The following STKLD1 variants were observed in gnomAD, a reference collection of about 807,000 sequenced individuals.
The protein encoded by STKLD1 is serine/threonine kinase-like domain-containing protein STKLD1.
A neutral mutation model predicts 80.4 loss-of-function variants in STKLD1; 79 were observed. The observed-to-expected ratio is 0.98, with a 90% CI of 0.82 to 1.19. The LOEUF is 1.19. Ranked by LOEUF, STKLD1 falls within the 50% of genes most tolerant of loss-of-function variation. The pLI is 0.00. For missense variants in STKLD1, 841 were observed against 856.0 expected (o/e 0.98, Z 0.22); for synonymous variants, 393 against 357.6 (o/e 1.10, Z -1.12).
intron 1 of STKLD1, among the ~76,000 whole-genome samples, chr9:133,376,805 G>A (rs2130251619): frequency 2.6e-5 from 4 of 152,192 alleles, no homozygotes; most frequent in Non-Finnish European, 4.4e-5. Context: ...ATTTGAGGGC[G>A]TGGGGCAGCT....
At position 133,385,370 on chromosome 9, in the gene STKLD1, C is replaced by G. The variant is rs1014827336; in HGVS notation, c.220-247C>G. ...TGGTATCCCTGTGAGGCAGATTCCA[C>G]TAGGACCCCCATTTTCAGATGACTA... is the stretch of plus-strand genomic sequence containing the variant. On this transcript the variant is annotated intron_variant, in intron 3 of 17. Transcript: ENST00000371957. This position sits in a 1 kb window ranked among gnomAD's most constrained non-coding sequence, Gnocchi z 4.9. Among the ~76,000 whole-genome samples the G allele has an allele frequency of 6.6e-6, 1 of 152,152 alleles. No individual in the cohort carries two copies. Among genetic ancestry groups the G allele is most frequent in the African/African-American group, 2.4e-5 (1 of 41,420 alleles).
intron 17 of STKLD1, 72 bp downstream of exon 17, chr9:133,405,001 A>C: frequency 6.4e-7 from 1 of 1,568,588 alleles, no homozygotes; most frequent in Non-Finnish European, 8.6e-7. Flanking sequence ...CCTATAACTG[A>C]CAGGGAAGGA....
chr9:133,399,386 T>C (rs1184415186), intron 11 of STKLD1, among the ~76,000 whole-genome samples: 1 of 152,064 alleles, frequency 6.6e-6, no homozygotes, highest in African/African-American at 2.4e-5. Flanking sequence ...AGAGGCCTCA[T>C]ATGGGCCTAA....
Position 133,390,603 on chromosome 9 carries a change from G to A in STKLD1, c.468-78G>A. 9.6e-7 allele frequency: 1 copy of A among 1,038,320 alleles called. No homozygotes were observed. Among genetic ancestry groups the A allele is most frequent in the Non-Finnish European group, 1.5e-6 (1 of 663,418 alleles). The allele number at this position is 1,038,320 out of a possible 1,614,324, so 64.3% of individuals were successfully genotyped here. On this transcript the variant is annotated intron_variant, in intron 6 of 17. Coordinates refer to ENST00000371957, the MANE Select transcript of STKLD1 (RefSeq NM_153710.5). This position sits in a 1 kb window ranked among gnomAD's most constrained non-coding sequence, Gnocchi z 5.1. ...AGAGTCAGGCTCAGCACACACACTG[G>A]TCCCACCTGGGGTTGTGGGTGGTGG...
intron 11 of STKLD1, 130 bp downstream of exon 11, chr9:133,398,185 C>T (rs1056193634): frequency 5.4e-6 from 4 of 738,588 alleles, no homozygotes; most frequent in Non-Finnish European, 8.8e-6. Flanking sequence ...AGCGTGGAGG[C>T]GTGCATGTGT....
At chr9:133,392,074 C>CTTT (rs869053878) in intron 7 of STKLD1, among the ~76,000 whole-genome samples, 2 of 132,772 alleles carry the variant, frequency 1.5e-5, no homozygotes, top group Non-Finnish European at 3.2e-5. Context: ...GCACTCTGTC[C>CTTT]TTTTTTTTTT....
Position 133,389,380 on chromosome 9 carries a change from C to CAGG in STKLD1, c.397-145_397-144insGGA, listed in dbSNP as rs1838332618. On this transcript the variant is annotated intron_variant, in intron 5 of 17. Coordinates refer to ENST00000371957, the MANE Select transcript of STKLD1 (RefSeq NM_153710.5). This position sits in a 1 kb window ranked among gnomAD's most constrained non-coding sequence, Gnocchi z 6.4. Reference sequence around the variant, plus strand: ...AGAGCCACCACGCTGAAGCCTCCTCCACCCTGAGCGCTTGGCTGGCTTCAG... The same window carrying CAGG: ...AGAGCCACCACGCTGAAGCCTCCTCCAGGACCCTGAGCGCTTGGCTGGCTTCAG... 2.1e-6 allele frequency: 3 copies of CAGG among 1,449,834 alleles called. No homozygotes were observed. The African/African-American group carries it at 4.3e-5, about 21-fold the overall frequency. 89.8% of individuals were successfully genotyped at this position (1,449,834 alleles called of 1,614,324 possible).
At position 133,391,107 on chromosome 9, in the gene STKLD1, G is replaced by C. The variant is rs1461276426; in HGVS notation, c.583+311G>C. 2.0e-5 allele frequency among the ~76,000 whole-genome samples: 3 copies of C among 152,250 alleles called. No homozygotes were observed. In the East Asian group the frequency reaches 5.8e-4, roughly 29 times the overall value. On this transcript the variant is annotated intron_variant, in intron 7 of 17. Transcript: ENST00000371957. Reference sequence around the variant, plus strand: ...GGGAAAAGAAAGTGTCAGAAGGAAGGATATGAAAATGCCCAGGACGGAGGG... The same window carrying C: ...GGGAAAAGAAAGTGTCAGAAGGAAGCATATGAAAATGCCCAGGACGGAGGG...
chr9:133,378,815 A>T (rs949542374), intron 1 of STKLD1, among the ~76,000 whole-genome samples: 7 of 147,148 alleles, frequency 4.8e-5, no homozygotes, highest in Admixed American at 3.3e-4. Flanking sequence ...GTTGTAGAAG[A>T]GCTCCAGAAT....
At position 133,404,026 on chromosome 9, in the gene STKLD1, G is replaced by A. The variant is rs1404888285; in HGVS notation, c.1710G>A (p.Leu570=). The A allele has an allele frequency of 1.2e-6, 2 of 1,608,444 alleles. No individual in the cohort carries two copies. The highest frequency in any genetic ancestry group is 1.3e-5 in the African/African-American group (1 of 74,848). Residue 570 remains leucine, a synonymous_variant, in exon 16 of 18, where the codon CTG becomes CTA. Transcript: ENST00000371957. ...TGGTGAACAATGCCTACCGGGGACTGGCCAGCCTGGTGAAGGTGTCAGGTG... is the reference window on the plus strand; with the variant it reads ...TGGTGAACAATGCCTACCGGGGACTAGCCAGCCTGGTGAAGGTGTCAGGTG... ...ALLVNNAYRG[L]ASLVKVSELA...
rs1157918363 is a variant in STKLD1 at position 133,389,503 on chromosome 9, G to A, written c.397-23G>A. 1.2e-6 allele frequency: 2 copies of A among 1,611,870 alleles called. No homozygotes were observed. The highest frequency in any genetic ancestry group is 1.7e-6 in the Non-Finnish European group (2 of 1,179,446). Reference sequence around the variant, plus strand: ...CAGCACAGGGTGCCCCTCCCATCCTGGCACCCCCTACTTCTCCCCCAGTGG... The same window carrying A: ...CAGCACAGGGTGCCCCTCCCATCCTAGCACCCCCTACTTCTCCCCCAGTGG... On this transcript the variant is annotated intron_variant, in intron 5 of 17. Coordinates refer to ENST00000371957, the MANE Select transcript of STKLD1 (RefSeq NM_153710.5). The surrounding 1 kb of genome is among the most constrained non-coding windows in gnomAD (Gnocchi z 6.4).
intron 1 of STKLD1, among the ~76,000 whole-genome samples, chr9:133,377,669 GA>G (rs2130255191): frequency 0.066 from 9,607 of 146,026 alleles, 405 homozygotes; most frequent in African/African-American, 0.12. Context: ...GTCTCAGAAA[GA>G]AAAAAAAAAA....
rs2130275256 is a variant in STKLD1 at position 133,385,689 on chromosome 9, G to T, written c.292G>T (p.Glu98Ter). Residue 98 changes from glutamate to a stop codon, truncating the protein, a stop_gained and splice_region_variant, in exon 4 of 18, where the codon GAG becomes TAG. Transcript: ENST00000371957. LOFTEE classifies it high-confidence loss of function. This position sits in a 1 kb window ranked among gnomAD's most constrained non-coding sequence, Gnocchi z 4.9. ...YQELFITWNG[E>*]ISSLYLCLVM... The stretch of plus-strand genomic sequence containing the variant: ...GGAGCTGTTCATCACGTGGAATGGG[G>T]AGGTGGGTCAGAGCTGACACCTACG... 4 of 1,612,984 alleles carry T rather than the reference G, an allele frequency of 2.5e-6. No individual in the cohort carries two copies. Among genetic ancestry groups the T allele is most frequent in the Non-Finnish European group, 3.4e-6 (4 of 1,179,956 alleles).
At position 133,397,132 on chromosome 9, in the gene STKLD1, G is replaced by GGGTTACTCAGCCCTCTCTGCTC. The variant is rs782388799; in HGVS notation, c.867-31_867-10dup. 1.3e-4 allele frequency: 204 copies of GGGTTACTCAGCCCTCTCTGCTC among 1,612,994 alleles called. 3 individuals are homozygous for GGGTTACTCAGCCCTCTCTGCTC. In the East Asian group the frequency reaches 4.2e-3, roughly 33 times the overall value. On this transcript the variant is annotated intron_variant, in intron 9 of 17. Transcript: ENST00000371957. ...CGGGGAGGTGGCAGGGGGCGCTGCT[G>GGGTTACTCAGCCCTCTCTGCTC]GGTTACTCAGCCCTCTCTGCTCCTC... is the stretch of plus-strand genomic sequence containing the variant.
In STKLD1 at chr9:133,384,648, C is replaced by T. The variant is rs2130272939; in HGVS notation, c.219+748C>T. 2.6e-5 allele frequency: 4 copies of T among 151,034 alleles called. No homozygotes were observed. Among genetic ancestry groups the T allele is most frequent in the Non-Finnish European group, 5.9e-5 (4 of 67,848 alleles). 9.4% of individuals were successfully genotyped at this position (151,034 alleles called of 1,614,324 possible). A position where few individuals can be genotyped will look rare whatever the true frequency, so the allele number is the denominator to read the frequency against. ...CCAGGCTAGTCTGAATTTCTGGGCT[C>T]AAGCAATCGTCCCACCTCGGCCTCC... On this transcript the variant is annotated intron_variant, in intron 3 of 17. Transcript: ENST00000371957. The surrounding 1 kb of genome is among the most constrained non-coding windows in gnomAD (Gnocchi z 4.3).
chr9:133,401,623 T>G, intron 12 of STKLD1, 115 bp from the exon 13 acceptor site: 1 of 1,325,982 alleles, frequency 7.5e-7, no homozygotes, highest in Non-Finnish European at 1.0e-6. Flanking sequence ...AAGGCAGACC[T>G]CGGTTTCCTT....
Position 133,402,891 on chromosome 9 carries a change from G to C in STKLD1, c.1353G>C (p.Leu451=). 6.3e-7 allele frequency: 1 copy of C among 1,595,744 alleles called. No individual in the cohort carries two copies. Among genetic ancestry groups the C allele is most frequent in the African/African-American group, 1.3e-5 (1 of 74,668 alleles). ...AITTTQESES[L]SEELQNAGLL... is the part of the protein sequence containing the mutation. The stretch of plus-strand genomic sequence containing the variant: ...GCTCACCCACAGAGTCAGAGTCACT[G>C]TCAGAGGAGCTGCAGAATGCTGGGC... Residue 451 remains leucine (L), a synonymous_variant, in exon 14 of 18, where the codon CTG becomes CTC. Transcript: ENST00000371957.
rs1470874180 is a variant in STKLD1 at position 133,392,679 on chromosome 9, ATGGGTGAGTAGG to A, written c.584-1609_584-1598del. Among the ~76,000 whole-genome samples, 14 of 93,592 alleles carry A rather than the reference ATGGGTGAGTAGG, an allele frequency of 1.5e-4. 2 individuals carry two copies. Among genetic ancestry groups the A allele is most frequent in the African/African-American group, 5.7e-4 (12 of 21,006 alleles). 61.4% of individuals were successfully genotyped at this position (93,592 alleles called of 152,430 possible). On this transcript the variant is annotated intron_variant, in intron 7 of 17. Transcript: ENST00000371957. ...AGTGGATGGGTGGGTGGGTGAGTGG[ATGGGTGAGTAGG>A]TGAGTGGATGAGTGGATGGATGGAT...
intron 13 of STKLD1, among the ~76,000 whole-genome samples, chr9:133,402,280 C>T (rs1046837921): frequency 5.9e-5 from 9 of 152,086 alleles, no homozygotes; most frequent in African/African-American, 1.7e-4. Flanking sequence ...CCATACAGAG[C>T]GCTCACACCT....
Sources: allele counts gnomAD v4.1 joint callset (sites outside exome capture counted in the v4.1 genomes callset), GRCh38; gene constraint gnomAD v4.1.1; non-coding constraint Gnocchi (gnomAD v3.1); transcripts MANE v1.5; gene names NCBI Gene and HGNC (gene_info 2026-07-23, HGNC 2026-07-21).